SLC24A3: variants seen among roughly 807,000 people sequenced by gnomAD.
SLC24A3 encodes solute carrier family 24 member 3, also known as sodium/potassium/calcium exchanger 3.
In SLC24A3, 28 loss-of-function variants were observed where a neutral mutation model predicts 75.8. That is an observed-to-expected ratio of 0.37 (90% CI 0.27 to 0.51). SLC24A3 has a LOEUF of 0.51. Ranked by LOEUF, SLC24A3 falls within the 20% of genes least tolerant of loss-of-function variation. The probability of loss-of-function intolerance (pLI) is 0.94; values close to 1 mark genes in which losing one functional copy is unlikely to be tolerated. For synonymous variants in SLC24A3, 372 were observed against 334.1 expected (o/e 1.11, Z -1.24); for missense variants, 663 against 847.8 (o/e 0.78, Z 2.71).
intron 2 of SLC24A3, among the ~76,000 whole-genome samples, chr20:19,293,062 G>C (rs1733897532): frequency 7.6e-6 from 1 of 132,022 alleles, no homozygotes; most frequent in South Asian, 2.5e-4. Flanking sequence ...AGAATTTGGG[G>C]GGAACATAAG....
chr20:19,311,874 C>T (rs1464489111), intron 2 of SLC24A3, among the ~76,000 whole-genome samples: 1 of 152,110 alleles, frequency 6.6e-6, no homozygotes, highest in Admixed American at 6.5e-5. Flanking sequence ...CTGATGGGAT[C>T]GAGGCCCACT....
chr20:19,317,428 A>T (rs1984611352), intron 2 of SLC24A3, among the ~76,000 whole-genome samples: 1 of 152,084 alleles, frequency 6.6e-6, no homozygotes, highest in Non-Finnish European at 1.5e-5. Context: ...TTTCATTTCC[A>T]CTCTGCTCTG....
intron 2 of SLC24A3, among the ~76,000 whole-genome samples, chr20:19,389,615 T>C (rs1026007441): frequency 6.6e-6 from 1 of 152,208 alleles, no homozygotes; most frequent in Non-Finnish European, 1.5e-5. Flanking sequence ...GACATTCCCT[T>C]GTGAGTGGCA....
intron 3 of SLC24A3, among the ~76,000 whole-genome samples, chr20:19,544,428 A>G (rs1485612638): frequency 6.6e-6 from 1 of 152,188 alleles, no homozygotes; most frequent in African/African-American, 2.4e-5. Flanking sequence ...AAGAGAATCA[A>G]CAGAGAGCTC....
chr20:19,217,930 A>G (rs1981607956), intron 1 of SLC24A3, among the ~76,000 whole-genome samples: 1 of 152,012 alleles, frequency 6.6e-6, no homozygotes, highest in Admixed American at 6.6e-5. Context: ...CCTTCATAGC[A>G]TTTATCACAG....
At chr20:19,477,546 C>T (rs1392360069) in intron 2 of SLC24A3, among the ~76,000 whole-genome samples, 1 of 152,170 alleles carries the variant, frequency 6.6e-6, no homozygotes, top group Non-Finnish European at 1.5e-5. Context: ...GTGGAAGGAA[C>T]TCAACAGAGA....
At chr20:19,550,374 G>A (rs987217404) in intron 3 of SLC24A3, among the ~76,000 whole-genome samples, 7 of 152,168 alleles carry the variant, frequency 4.6e-5, no homozygotes, top group African/African-American at 1.7e-4. Flanking sequence ...GAGCTAAAAT[G>A]TGTTGTAGCC....
chr20:19,485,052 A>G (rs764103259), intron 2 of SLC24A3, among the ~76,000 whole-genome samples: 5 of 152,154 alleles, frequency 3.3e-5, no homozygotes, highest in Non-Finnish European at 5.9e-5. Context: ...GGACTCAGGC[A>G]CTCACTCTCA....
intron 3 of SLC24A3, among the ~76,000 whole-genome samples, chr20:19,543,279 C>G (rs914974357): frequency 7.9e-5 from 12 of 152,176 alleles, no homozygotes; most frequent in Admixed American, 6.5e-5. Flanking sequence ...GGTGTTACTA[C>G]CCCTGGAGAT....
intron 1 of SLC24A3, among the ~76,000 whole-genome samples, chr20:19,248,200 G>A (rs905557789): frequency 6.6e-6 from 1 of 152,124 alleles, no homozygotes; most frequent in African/African-American, 2.4e-5. Flanking sequence ...GCCTCCTTGT[G>A]GGAGCCAGAT....
At chr20:19,356,377 T>C (rs1441859771) in intron 2 of SLC24A3, among the ~76,000 whole-genome samples, 1 of 152,242 alleles carries the variant, frequency 6.6e-6, no homozygotes, top group Non-Finnish European at 1.5e-5. Flanking sequence ...CAAATGTATG[T>C]ACCCATGAAC....
At chr20:19,428,994 G>T (rs904124638) in intron 2 of SLC24A3, among the ~76,000 whole-genome samples, 1 of 152,020 alleles carries the variant, frequency 6.6e-6, no homozygotes, top group Non-Finnish European at 1.5e-5. Context: ...CCATCTTTAG[G>T]TTCTTCCCTC....
chr20:19,672,788 G>A (rs1410329475), intron 8 of SLC24A3, among the ~76,000 whole-genome samples: 1 of 152,066 alleles, frequency 6.6e-6, no homozygotes, highest in Non-Finnish European at 1.5e-5. Flanking sequence ...TTTCACATTT[G>A]ACCAAATATT....
chr20:19,488,249 T>C (rs1406874868), intron 2 of SLC24A3, among the ~76,000 whole-genome samples: 1 of 152,254 alleles, frequency 6.6e-6, no homozygotes, highest in East Asian at 1.9e-4. Context: ...AGAGGGCAGG[T>C]GCCTTGGAGC....
intron 1 of SLC24A3, among the ~76,000 whole-genome samples, chr20:19,275,812 C>G (rs1489350736): frequency 2.6e-5 from 4 of 152,080 alleles, no homozygotes; most frequent in Non-Finnish European, 1.5e-5. Context: ...CGTGCTATCC[C>G]CATGGCCCAC....
At position 19,684,166 on chromosome 20, in the gene SLC24A3, G is replaced by A. The variant is rs774658031; in HGVS notation, c.902-10G>A. On this transcript the variant is annotated splice_polypyrimidine_tract_variant and intron_variant, in intron 10 of 16. Coordinates refer to ENST00000328041, the MANE Select transcript of SLC24A3 (RefSeq NM_020689.4). ...CATGTTATTTTACCTTATGTTTTTC[G>A]TTTCCCTAGCAAATTTCCACCGCAA... 1.3e-4 allele frequency: 210 copies of A among 1,608,988 alleles called. No homozygotes were observed. Among genetic ancestry groups the A allele is most frequent in the Non-Finnish European group, 1.6e-4 (186 of 1,176,650 alleles).
chr20:19,264,740 A>C (rs1051819648), intron 1 of SLC24A3, among the ~76,000 whole-genome samples: 15 of 151,072 alleles, frequency 9.9e-5, no homozygotes, highest in African/African-American at 2.9e-4. Flanking sequence ...AAAAAAAAAA[A>C]AAAAACAAAA....
intron 2 of SLC24A3, among the ~76,000 whole-genome samples, chr20:19,441,213 A>G (rs1987293217): frequency 6.6e-6 from 1 of 152,116 alleles, no homozygotes. Context: ...ACATTCTGAC[A>G]CTGACAAACT....
chr20:19,349,069 T>C (rs1172847873), intron 2 of SLC24A3, among the ~76,000 whole-genome samples: 1 of 152,186 alleles, frequency 6.6e-6, no homozygotes, highest in East Asian at 1.9e-4. Context: ...CTGTGTAGGC[T>C]AGCCCAGCAA....
Sources: allele counts gnomAD v4.1 joint callset (sites outside exome capture counted in the v4.1 genomes callset), GRCh38; gene constraint gnomAD v4.1.1; transcripts MANE v1.5; gene names NCBI Gene and HGNC (gene_info 2026-07-23, HGNC 2026-07-21).